CDH12: variants seen among roughly 807,000 people sequenced by gnomAD.
CDH12 encodes cadherin-12.
In CDH12, 41 loss-of-function variants were observed where a neutral mutation model predicts 74.1. The observed-to-expected ratio is 0.55, with a 90% confidence interval of 0.43 to 0.72. The LOEUF (loss-of-function observed/expected upper bound fraction) is 0.72. CDH12 is among the 30% of genes least tolerant of loss of function. The pLI, the probability that CDH12 is intolerant of heterozygous loss-of-function variation, is 0.00. For missense variants in CDH12, 945 were observed against 977.2 expected, an observed-to-expected ratio of 0.97 and a Z score of 0.44; for synonymous variants, 399 against 355.0, an observed-to-expected ratio of 1.12 and a Z score of -1.39.
intron 3 of CDH12, among the ~76,000 whole-genome samples, chr5:22,397,910 C>T (rs1742532724): frequency 6.6e-6 from 1 of 151,932 alleles, no homozygotes. Context: ...AGAAGATGGC[C>T]ATCTAAAAGC....
chr5:21,771,491 A>C (rs1420436653), intron 11 of CDH12, among the ~76,000 whole-genome samples: 1 of 152,188 alleles, frequency 6.6e-6, no homozygotes, highest in African/African-American at 2.4e-5. Flanking sequence ...CTGTGATTCC[A>C]TAAAGGTGGA....
At chr5:22,281,569 T>C (rs1031073222) in intron 3 of CDH12, among the ~76,000 whole-genome samples, 1 of 152,156 alleles carries the variant, frequency 6.6e-6, no homozygotes, top group East Asian at 1.9e-4. Context: ...AGCATTTCTA[T>C]ACACAAATAA....
intron 1 of CDH12, among the ~76,000 whole-genome samples, chr5:22,800,427 T>C (rs1381904232): frequency 6.6e-6 from 1 of 152,250 alleles, no homozygotes; most frequent in Non-Finnish European, 1.5e-5. Context: ...CACAGCAAAA[T>C]TGAGAAGAAC....
intron 3 of CDH12, among the ~76,000 whole-genome samples, chr5:22,398,893 C>T (rs963430093): frequency 3.3e-5 from 5 of 152,078 alleles, no homozygotes; most frequent in Non-Finnish European, 5.9e-5. Context: ...TGGAGTTTCT[C>T]TACTGTGGTA....
intron 5 of CDH12, among the ~76,000 whole-genome samples, chr5:21,997,105 A>C (rs1736344792): frequency 6.6e-6 from 1 of 152,152 alleles, no homozygotes; most frequent in Non-Finnish European, 1.5e-5. Flanking sequence ...TTTTCTTCTT[A>C]GCAATCAAGA....
At chr5:22,171,817 GT>G (rs1390744732) in intron 4 of CDH12, among the ~76,000 whole-genome samples, 1 of 151,890 alleles carries the variant, frequency 6.6e-6, no homozygotes, top group Non-Finnish European at 1.5e-5. Context: ...AAGTGGAAGT[GT>G]TTGGTTATAT....
chr5:22,592,988 C>T (rs72637710), intron 1 of CDH12, among the ~76,000 whole-genome samples: 8,913 of 145,104 alleles, frequency 0.061, 398 homozygotes, highest in East Asian at 0.24. Context: ...CGAGATCTCA[C>T]GACTGCACTG....
intron 2 of CDH12, among the ~76,000 whole-genome samples, chr5:22,410,736 C>T (rs1743137535): frequency 2.0e-5 from 3 of 151,942 alleles, no homozygotes; most frequent in Non-Finnish European, 4.4e-5. Context: ...CAATAAAGAA[C>T]ATAATGCTAG....
At chr5:22,754,747 A>C (rs553739653) in intron 1 of CDH12, among the ~76,000 whole-genome samples, 10 of 152,286 alleles carry the variant, frequency 6.6e-5, no homozygotes, top group African/African-American at 2.2e-4. Context: ...TTTAATCCTT[A>C]TGTGATTTTT....
intron 1 of CDH12, among the ~76,000 whole-genome samples, chr5:22,821,247 A>C (rs1453043020): frequency 6.6e-6 from 1 of 152,166 alleles, no homozygotes; most frequent in African/African-American, 2.4e-5. Context: ...AAATAATAAG[A>C]GCTATCTATG....
chr5:21,947,242 G>A (rs1206269136), intron 6 of CDH12, among the ~76,000 whole-genome samples: 2 of 152,100 alleles, frequency 1.3e-5, no homozygotes, highest in Non-Finnish European at 2.9e-5. Flanking sequence ...TGGGAGTGGG[G>A]CACTGCTATA....
chr5:22,694,784 C>T (rs1463002540), intron 1 of CDH12, among the ~76,000 whole-genome samples: 1 of 151,786 alleles, frequency 6.6e-6, no homozygotes, highest in Non-Finnish European at 1.5e-5. Context: ...TATATATACA[C>T]ACACACATAT....
At position 22,634,407 on chromosome 5, in the gene CDH12, A is replaced by C. The variant is rs192253192; in HGVS notation, c.-522-129043T>G. On this transcript the variant is annotated intron_variant, in intron 1 of 14. Coordinates refer to ENST00000382254, the MANE Select transcript of CDH12 (RefSeq NM_004061.5). ...ACCAAATGGAAAAAAGTACCAGGTC[A>C]ACAATAACCAAAAGAGCAAAAGAGT... is the stretch of plus-strand genomic sequence containing the variant. Among the ~76,000 whole-genome samples the C allele has an allele frequency of 3.0e-3, 457 of 152,280 alleles. 3 individuals carry two copies. Among genetic ancestry groups the C allele is most frequent in the Non-Finnish European group, 2.8e-3 (191 of 67,974 alleles).
intron 4 of CDH12, among the ~76,000 whole-genome samples, chr5:22,196,673 A>G (rs1750636517): frequency 1.3e-5 from 2 of 152,154 alleles, no homozygotes; most frequent in South Asian, 2.1e-4. Context: ...TTATTCTAAC[A>G]TGTGCATCAG....
intron 1 of CDH12, among the ~76,000 whole-genome samples, chr5:22,727,850 T>C (rs1440658436): frequency 1.3e-5 from 2 of 151,710 alleles, no homozygotes; most frequent in Non-Finnish European, 2.9e-5. Flanking sequence ...TCATTTTTCT[T>C]ATGGAGGTTT....
chr5:22,024,395 G>T (rs182891156), intron 5 of CDH12, among the ~76,000 whole-genome samples: 1 of 152,186 alleles, frequency 6.6e-6, no homozygotes, highest in East Asian at 1.9e-4. Context: ...TCACTTAAAA[G>T]ACCACTGACT....
intron 6 of CDH12, among the ~76,000 whole-genome samples, chr5:21,941,025 C>T (rs1755306800): frequency 6.6e-6 from 1 of 152,152 alleles, no homozygotes; most frequent in African/African-American, 2.4e-5. Flanking sequence ...CAAAGACTTC[C>T]AAGCTTTGAA....
At chr5:22,715,164 C>T (rs552931698) in intron 1 of CDH12, among the ~76,000 whole-genome samples, 14 of 152,256 alleles carry the variant, frequency 9.2e-5, no homozygotes, top group African/African-American at 2.4e-4. Context: ...CTTAAGATCA[C>T]AGGGTTATTT....
chr5:22,052,807 A>G (rs902647333), intron 5 of CDH12, among the ~76,000 whole-genome samples: 1 of 152,046 alleles, frequency 6.6e-6, no homozygotes, highest in South Asian at 2.1e-4. Context: ...TGGTTTTTAA[A>G]TTCTTTATCA....
Sources: gnomAD v4.1 joint callset for allele counts (sites outside exome capture counted in the v4.1 genomes callset) on GRCh38, gnomAD v4.1.1 for gene constraint, MANE v1.5 for transcripts, NCBI Gene and HGNC (gene_info 2026-07-23, HGNC 2026-07-21) for gene names.